The following PCYT1B variants were observed in gnomAD, a reference collection of about 807,000 sequenced individuals.
PCYT1B encodes choline-phosphate cytidylyltransferase B.
A neutral mutation model predicts 26.4 loss-of-function variants in PCYT1B; 10 were observed. The ratio of observed to expected loss-of-function variants is 0.38; its 90% CI spans 0.23 to 0.64. PCYT1B has a LOEUF of 0.64. PCYT1B is among the 30% of genes least tolerant of loss of function. The pLI is 0.56. For synonymous variants in PCYT1B, 131 were observed against 108.4 expected (o/e 1.21, Z -1.29); for missense variants, 161 against 292.7 (o/e 0.55, Z 3.28).
chrX:24,595,736 C>T (rs754740936), intron 3 of PCYT1B, among the ~76,000 whole-genome samples: 2 of 110,304 alleles, frequency 1.8e-5, no homozygotes, highest in East Asian at 5.7e-4. Flanking sequence ...AAAAATTAGC[C>T]GGGCGTTAGT....
intron 3 of PCYT1B, among the ~76,000 whole-genome samples, chrX:24,597,908 G>T (rs1367520937): frequency 8.9e-6 from 1 of 112,214 alleles, no homozygotes; most frequent in Admixed American, 9.4e-5. Context: ...TAAAAAAATG[G>T]CTTTTTCATG....
chrX:24,608,794 C>T (rs1049020076), intron 2 of PCYT1B, among the ~76,000 whole-genome samples: 2 of 111,957 alleles, frequency 1.8e-5, no homozygotes, highest in Admixed American at 9.5e-5. Flanking sequence ...TGGGTATAGA[C>T]TTCCATCAAT....
intron 1 of PCYT1B, among the ~76,000 whole-genome samples, chrX:24,636,875 G>T (rs1926287809): frequency 8.9e-6 from 1 of 111,933 alleles, no homozygotes; most frequent in African/African-American, 3.2e-5. Context: ...TCCTGCAGGT[G>T]GTTGTAGATT....
At chrX:24,589,473 T>C (rs961394470) in intron 4 of PCYT1B, among the ~76,000 whole-genome samples, 1 of 112,022 alleles carries the variant, frequency 8.9e-6, no homozygotes, top group Admixed American at 9.5e-5. Context: ...CACAAAATCA[T>C]AGATATAAAG....
chrX:24,627,249 A>G (rs1406817514), intron 1 of PCYT1B, among the ~76,000 whole-genome samples: 1 of 111,965 alleles, frequency 8.9e-6, no homozygotes, highest in African/African-American at 3.2e-5. Flanking sequence ...AAGAAAGGAG[A>G]TGAGAGGCAC....
chrX:24,634,575 G>A (rs1044653338), intron 1 of PCYT1B, among the ~76,000 whole-genome samples: 2 of 110,543 alleles, frequency 1.8e-5, no homozygotes, highest in East Asian at 2.9e-4. Flanking sequence ...GTGAAACCCC[G>A]TCTCTACTAA....
At chrX:24,573,903 C>T (rs1178511885) in intron 7 of PCYT1B, among the ~76,000 whole-genome samples, 1 of 111,196 alleles carries the variant, frequency 9.0e-6, no homozygotes, top group Non-Finnish European at 1.9e-5. Context: ...AAACCTTTCA[C>T]CCCTCTCAGA....
chrX:24,667,442 T>C (rs1325954769), intron 1 of PCYT1B, among the ~76,000 whole-genome samples: 3 of 111,162 alleles, frequency 2.7e-5, no homozygotes. Context: ...TAAGGCTGGA[T>C]GCAGTGGCTT....
At chrX:24,630,957 T>TC (rs1926063888) in intron 1 of PCYT1B, among the ~76,000 whole-genome samples, 3 of 110,891 alleles carry the variant, frequency 2.7e-5, no homozygotes, top group Non-Finnish European at 5.7e-5. Context: ...GAGTCTTGCA[T>TC]TGTTGCCCAG....
chrX:24,647,984 G>C (rs751955716), upstream of PCYT1B, among the ~76,000 whole-genome samples: 1 of 112,177 alleles, frequency 8.9e-6, no homozygotes, highest in East Asian at 2.8e-4. Context: ...CCCTTCCCCA[G>C]CTATTCAAAG....
intron 3 of PCYT1B, among the ~76,000 whole-genome samples, chrX:24,600,495 A>G (rs138801617): frequency 0.024 from 2,657 of 111,010 alleles, 79 homozygotes; most frequent in African/African-American, 0.08. Context: ...ATTTAAACTG[A>G]CAAATCGCTG....
intron 1 of PCYT1B, among the ~76,000 whole-genome samples, chrX:24,630,421 G>A (rs1331666369): frequency 9.0e-6 from 1 of 110,683 alleles, no homozygotes; most frequent in Non-Finnish European, 1.9e-5. Context: ...TCAGCCTCCC[G>A]AGTAGCTGGG....
chrX:24,608,155 C>T (rs763602118), intron 2 of PCYT1B, among the ~76,000 whole-genome samples: 3 of 110,851 alleles, frequency 2.7e-5, no homozygotes, highest in Non-Finnish European at 3.8e-5. Flanking sequence ...CCTGAGCCGG[C>T]AGAGTCAGCC....
intron 1 of PCYT1B, among the ~76,000 whole-genome samples, chrX:24,653,318 A>G (rs1926824426): frequency 1.8e-5 from 2 of 111,322 alleles, no homozygotes; most frequent in South Asian, 7.6e-4. Flanking sequence ...ACCCACTGTC[A>G]ACTGCCAGCA....
chrX:24,559,441 A>AGAG lies in PCYT1B; in HGVS notation c.*2851_*2852insCTC, dbSNP rs1555953539. On this transcript the variant is annotated 3_prime_UTR_variant, in exon 8 of 8. Transcript: ENST00000379144. The stretch of plus-strand genomic sequence containing the variant: ...AAAAGAGAAAGAAGAAAGAAAAAGA[A>AGAG]AGAGAGAGAGAGAGAAAGAAAGAGA... The AGAG allele has an allele frequency of 1.0e-5, 1 of 97,675 alleles. No individual in the cohort carries two copies. Among genetic ancestry groups the AGAG allele is most frequent in the South Asian group, 4.9e-4 (1 of 2,039 alleles). 8.0% of individuals were successfully genotyped at this position (97,675 alleles called of 1,213,427 possible). A position where few individuals can be genotyped will look rare whatever the true frequency, so the allele number is the denominator to read the frequency against.
intron 1 of PCYT1B, among the ~76,000 whole-genome samples, chrX:24,644,926 TG>T (rs1272031227): frequency 9.0e-6 from 1 of 111,491 alleles, no homozygotes; most frequent in Non-Finnish European, 1.9e-5. Flanking sequence ...TAGCCAGGCA[TG>T]GTGCTGCCCA....
chrX:24,612,512 G>C (rs1235135827), intron 2 of PCYT1B, among the ~76,000 whole-genome samples: 1 of 111,780 alleles, frequency 8.9e-6, no homozygotes, highest in Non-Finnish European at 1.9e-5. Flanking sequence ...TAAATACAAG[G>C]ATGGCAAATA....
At chrX:24,623,985 T>C (rs1224083524) in intron 1 of PCYT1B, among the ~76,000 whole-genome samples, 3 of 102,654 alleles carry the variant, frequency 2.9e-5, no homozygotes, top group Non-Finnish European at 6.0e-5. Context: ...TTTTTTTTTT[T>C]TTTTGAGACA....
At chrX:24,607,628 G>T (rs1355530882) in intron 3 of PCYT1B, 117 bp downstream of exon 3, 1 of 455,592 alleles carries the variant, frequency 2.2e-6, no homozygotes. Context: ...GCCAGTATGG[G>T]CTGAATTGGA....
Sources: allele counts gnomAD v4.1 joint callset (sites outside exome capture counted in the v4.1 genomes callset), GRCh38; gene constraint gnomAD v4.1.1; transcripts MANE v1.5; gene names NCBI Gene and HGNC (gene_info 2026-07-23, HGNC 2026-07-21).